The following DIP2C variants were observed in gnomAD, a reference collection of about 807,000 sequenced individuals.
DIP2C encodes the protein disco-interacting protein 2 homolog C.
In DIP2C, 33 loss-of-function variants were observed where a neutral mutation model predicts 192.4. The observed-to-expected ratio is 0.17, with a 90% CI of 0.13 to 0.23. DIP2C has a LOEUF of 0.23. DIP2C is among the 10% of genes least tolerant of loss of function. The pLI is 1.00. For synonymous variants in DIP2C, 979 were observed against 864.1 expected, an observed-to-expected ratio of 1.13 and a Z score of -2.33; for missense variants, 1,537 against 2,110.1, an observed-to-expected ratio of 0.73 and a Z score of 5.32.
intron 2 of DIP2C, among the ~76,000 whole-genome samples, chr10:476,006 T>G (rs2133465778): frequency 6.6e-6 from 1 of 152,324 alleles, no homozygotes; most frequent in South Asian, 2.1e-4. Flanking sequence ...AGGGCTCACG[T>G]TCACAGTCAC....
At chr10:486,283 T>G (rs1844009164) in intron 2 of DIP2C, among the ~76,000 whole-genome samples, 176 bp downstream of exon 2, 3 of 152,222 alleles carry the variant, frequency 2.0e-5, no homozygotes, top group Admixed American at 1.3e-4. Flanking sequence ...CTCTGTGCCT[T>G]GTATATTCAC....
chr10:627,722 A>T (rs1270420840), intron 1 of DIP2C, among the ~76,000 whole-genome samples: 2 of 152,274 alleles, frequency 1.3e-5, no homozygotes, highest in African/African-American at 4.8e-5. Flanking sequence ...CCGTGCACGC[A>T]AGAGCGAGGC....
chr10:338,976 C>T (rs1000957022), intron 29 of DIP2C, among the ~76,000 whole-genome samples: 18 of 152,092 alleles, frequency 1.2e-4, no homozygotes, highest in African/African-American at 3.6e-4. Flanking sequence ...CCACAGCCCA[C>T]GCCAGGACAC....
chr10:353,083 G>A lies in DIP2C; in HGVS notation c.2985+3343C>T, dbSNP rs569264806. On this transcript the variant is annotated intron_variant, in intron 24 of 36. Coordinates refer to ENST00000280886, the MANE Select transcript of DIP2C (RefSeq NM_014974.3). Reference sequence around the variant, plus strand: ...CGTCCTGAAACCCACCAGCTAAGAAGAAGGTTCTAGGTAAAACCATTTCAT... The same window carrying A: ...CGTCCTGAAACCCACCAGCTAAGAAAAAGGTTCTAGGTAAAACCATTTCAT... 7.2e-5 allele frequency among the ~76,000 whole-genome samples: 11 copies of A among 152,234 alleles called. No individual in the cohort carries two copies. In the East Asian group the frequency reaches 1.9e-3, roughly 27 times the overall value.
At chr10:410,036 CT>C in intron 8 of DIP2C, among the ~76,000 whole-genome samples, 1 of 152,316 alleles carries the variant, frequency 6.6e-6, no homozygotes, top group South Asian at 2.1e-4. Flanking sequence ...CTGTTTTAAT[CT>C]TTTCCCTCTT....
At chr10:531,144 T>A (rs1407069120) in intron 1 of DIP2C, among the ~76,000 whole-genome samples, 1 of 152,168 alleles carries the variant, frequency 6.6e-6, no homozygotes, top group East Asian at 1.9e-4. Context: ...ATTTCAAATG[T>A]TACGCTCGCC....
chr10:357,878 C>T lies in DIP2C; in HGVS notation c.2854G>A (p.Ala952Thr). ...ATCTGACCCAGGTCTCTGCCACTGG[C>T]CTGGGCGATTCTCTTCCCAGAGACC... ...NLVSGKRIAQ[A>T]SGRDLGQIED... is the part of the protein sequence containing the mutation. The change falls in exon 23 of 37, where the codon GCC becomes ACC. Residue 952 changes from alanine (A) to threonine (T), a missense_variant. Ala to Thr is a moderately conservative substitution (Grantham distance 58). Around this residue, in one of 4 missense-constraint regions of DIP2C, gnomAD observed 677 missense variants for 989.9 expected, o/e 0.68. Coordinates refer to ENST00000280886, the MANE Select transcript of DIP2C (RefSeq NM_014974.3). 6.2e-7 allele frequency: 1 copy of T among 1,612,758 alleles called. No homozygotes were observed. The highest frequency in any genetic ancestry group is 8.5e-7 in the Non-Finnish European group (1 of 1,179,924).
intron 3 of DIP2C, among the ~76,000 whole-genome samples, chr10:448,124 T>TG (rs1968453567): frequency 1.1e-5 from 1 of 87,462 alleles, no homozygotes; most frequent in African/African-American, 8.1e-5. Flanking sequence ...CATCCCCATC[T>TG]ATACTCAGGA....
At chr10:475,247 G>T (rs554012224) in intron 2 of DIP2C, among the ~76,000 whole-genome samples, 3 of 152,170 alleles carry the variant, frequency 2.0e-5, no homozygotes, top group African/African-American at 7.2e-5. Context: ...ATGGCTGTCC[G>T]CCGTGTCTGC....
At position 448,206 on chromosome 10, in the gene DIP2C, G is replaced by A. The variant is rs1162296329; in HGVS notation, c.269-7210C>T. 2.0e-4 allele frequency among the ~76,000 whole-genome samples: 26 copies of A among 127,876 alleles called. 1 individual carries two copies. The highest frequency in any genetic ancestry group is 3.5e-4 in the Non-Finnish European group (23 of 65,978). The allele number at this position is 127,876 out of a possible 152,430, so 83.9% of individuals were successfully genotyped here. A position where few individuals can be genotyped will look rare whatever the true frequency, so the allele number is the denominator to read the frequency against. On this transcript the variant is annotated intron_variant, in intron 3 of 36. Transcript: ENST00000280886. ...AGGATCACACACAGTGCGGCAGCAG[G>A]ACCCACTCATTCCCGTCAATAATCA...
At chr10:658,320 G>A (rs1195080334) in intron 1 of DIP2C, among the ~76,000 whole-genome samples, 5 of 121,774 alleles carry the variant, frequency 4.1e-5, no homozygotes, top group African/African-American at 1.2e-4. Context: ...TGGACCTGAT[G>A]CTGGACCTGA....
intron 2 of DIP2C, among the ~76,000 whole-genome samples, chr10:480,703 G>A (rs1194351067): frequency 1.3e-5 from 2 of 152,248 alleles, no homozygotes; most frequent in African/African-American, 2.4e-5. Context: ...GACGAGGAAT[G>A]CGATTCATTA....
At chr10:360,247 C>A (rs1224284444) in intron 22 of DIP2C, among the ~76,000 whole-genome samples, 2 of 152,216 alleles carry the variant, frequency 1.3e-5, no homozygotes, top group African/African-American at 4.8e-5. Context: ...CAGAGGCCTT[C>A]TAGCTGCACC....
chr10:361,937 GAAC>G (rs1420629118), intron 22 of DIP2C, among the ~76,000 whole-genome samples: 3 of 151,620 alleles, frequency 2.0e-5, no homozygotes, highest in Non-Finnish European at 4.4e-5. Context: ...GGGACCGCGA[GAAC>G]AACAGTGTGG....
chr10:491,367 C>T (rs914688111), intron 1 of DIP2C, among the ~76,000 whole-genome samples: 4 of 152,216 alleles, frequency 2.6e-5, no homozygotes, highest in Admixed American at 6.5e-5. Flanking sequence ...GGGAATTCTA[C>T]GGCTGTCAGG....
At chr10:565,919 C>T (rs929794724) in intron 1 of DIP2C, among the ~76,000 whole-genome samples, 4 of 152,162 alleles carry the variant, frequency 2.6e-5, no homozygotes, top group African/African-American at 9.7e-5. Context: ...TGTGGGCTCC[C>T]GGCTTTGATT....
chr10:412,222 C>T (rs1344596616), intron 8 of DIP2C, among the ~76,000 whole-genome samples: 1 of 152,210 alleles, frequency 6.6e-6, no homozygotes, highest in Non-Finnish European at 1.5e-5. Flanking sequence ...TTTGATTTCC[C>T]AAAGCTTAGT....
At chr10:517,558 C>G (rs1021370272) in intron 1 of DIP2C, among the ~76,000 whole-genome samples, 1 of 152,166 alleles carries the variant, frequency 6.6e-6, no homozygotes, top group African/African-American at 2.4e-5. Flanking sequence ...GCGGTGAAGG[C>G]AAGAATAATT....
intron 4 of DIP2C, among the ~76,000 whole-genome samples, chr10:440,468 T>G (rs1967639580): frequency 6.6e-6 from 1 of 152,244 alleles, no homozygotes; most frequent in Non-Finnish European, 1.5e-5. Context: ...CCAATTTGCT[T>G]GTTCTAAAAC....
Sources: allele counts gnomAD v4.1 joint callset (sites outside exome capture counted in the v4.1 genomes callset), GRCh38; gene constraint gnomAD v4.1.1; regional missense constraint gnomAD v4.1.1; transcripts MANE v1.5; gene names NCBI Gene and HGNC (gene_info 2026-07-23, HGNC 2026-07-21).